PTDSS1: variants seen among roughly 807,000 people sequenced by gnomAD.
PTDSS1 encodes the protein phosphatidylserine synthase 1.
A neutral mutation model predicts 70.5 loss-of-function variants in PTDSS1; 45 were observed. The ratio of observed to expected loss-of-function variants is 0.64; its 90% confidence interval spans 0.50 to 0.82. PTDSS1 has a LOEUF of 0.82. Among genes scored for constraint, PTDSS1 ranks in the 40% least tolerant of loss-of-function variants. The pLI, the probability that PTDSS1 is intolerant of heterozygous loss-of-function variation, is 0.00. For synonymous variants in PTDSS1, 188 were observed against 203.8 expected (o/e 0.92, Z 0.66); for missense variants, 417 against 586.1 (o/e 0.71, Z 2.98).
intron 1 of PTDSS1, among the ~76,000 whole-genome samples, chr8:96,269,140 T>C (rs1407371571): frequency 1.3e-5 from 2 of 152,224 alleles, no homozygotes; most frequent in Non-Finnish European, 2.9e-5. Flanking sequence ...TTTGCCTCCC[T>C]AAGCTTGTCT....
chr8:96,266,513 A>C (rs28696368), intron 1 of PTDSS1, among the ~76,000 whole-genome samples: 25,401 of 152,218 alleles, frequency 0.17, 3,804 homozygotes, highest in African/African-American at 0.41. Flanking sequence ...ACTTGCTAGC[A>C]TTCCCTGTTC....
chr8:96,279,613 G>A (rs1810705462), intron 2 of PTDSS1, among the ~76,000 whole-genome samples: 1 of 151,980 alleles, frequency 6.6e-6, no homozygotes, highest in Non-Finnish European at 1.5e-5. Context: ...GAGGTCAGGA[G>A]TTCAAGACCA....
chr8:96,286,303 GT>G (rs1810821708), intron 3 of PTDSS1, among the ~76,000 whole-genome samples: 1 of 152,168 alleles, frequency 6.6e-6, no homozygotes, highest in African/African-American at 2.4e-5. Context: ...ATTGGACAGG[GT>G]TTTGCCTTCT....
chr8:96,262,211 C>G lies in PTDSS1; in HGVS notation c.171C>G (p.Ala57=), dbSNP rs772045211. Residue 57 remains alanine, a synonymous_variant, in exon 1 of 13, where the codon GCC becomes GCG. Coordinates refer to ENST00000517309, the MANE Select transcript of PTDSS1 (RefSeq NM_014754.3). The surrounding 1 kb of genome is among the most constrained non-coding windows in gnomAD (Gnocchi z 4.4). ...SFTIVSLMYF[A]FTRDDSVPED... Reference sequence around the variant, plus strand: ...CCATCGTCAGCCTCATGTACTTCGCCTTTACCAGGTGGGGCGGCCCAGCCG... The same window carrying G: ...CCATCGTCAGCCTCATGTACTTCGCGTTTACCAGGTGGGGCGGCCCAGCCG... 2.8e-5 allele frequency: 42 copies of G among 1,514,146 alleles called. No homozygotes were observed. The highest frequency in any genetic ancestry group is 3.7e-5 in the Non-Finnish European group (41 of 1,116,628). The allele number at this position is 1,514,146 out of a possible 1,614,324, so 93.8% of individuals were successfully genotyped here.
At chr8:96,316,709 A>C (rs1811294083) in intron 9 of PTDSS1, among the ~76,000 whole-genome samples, 1 of 151,998 alleles carries the variant, frequency 6.6e-6, no homozygotes, top group African/African-American at 2.4e-5. Flanking sequence ...CATTAAGCAA[A>C]CTGGCCAGGC....
intron 9 of PTDSS1, among the ~76,000 whole-genome samples, chr8:96,309,984 G>A (rs926237133): frequency 8.6e-5 from 13 of 151,934 alleles, no homozygotes; most frequent in African/African-American, 2.9e-4. Context: ...TCAACATGGC[G>A]AAACCCTGTC....
rs1392687493 is a variant in PTDSS1 at position 96,304,238 on chromosome 8, T to C, written c.894+57T>C. The C allele has an allele frequency of 1.5e-5, 23 of 1,533,036 alleles. No homozygotes were observed. In the African/African-American group the frequency reaches 2.8e-4, roughly 19 times the overall value. 95.0% of individuals were successfully genotyped at this position (1,533,036 alleles called of 1,614,324 possible). A position where few individuals can be genotyped will look rare whatever the true frequency, so the allele number is the denominator to read the frequency against. ...AAAACAAAAACTAAAATAAAAACTT[T>C]TTAGGAATTTAGAGTTAACATTAGT... On this transcript the variant is annotated intron_variant, in intron 7 of 12. Coordinates refer to ENST00000517309, the MANE Select transcript of PTDSS1 (RefSeq NM_014754.3).
intron 4 of PTDSS1, among the ~76,000 whole-genome samples, chr8:96,287,831 C>T (rs1810845882): frequency 6.6e-6 from 1 of 152,200 alleles, no homozygotes; most frequent in Non-Finnish European, 1.5e-5. Flanking sequence ...GAAAAACCAA[C>T]TATTTTTCTC....
intron 1 of PTDSS1, among the ~76,000 whole-genome samples, chr8:96,271,379 T>C (rs1420417860): frequency 6.6e-6 from 1 of 152,236 alleles, no homozygotes; most frequent in Admixed American, 6.5e-5. Flanking sequence ...AAAAGCTTCC[T>C]TGTTTTTTTA....
intron 9 of PTDSS1, among the ~76,000 whole-genome samples, chr8:96,313,477 C>T (rs1811241090): frequency 6.6e-6 from 1 of 152,214 alleles, no homozygotes. Context: ...CCCCATTCCA[C>T]CCTGATTAGA....
chr8:96,301,473 A>C (rs187178910), intron 6 of PTDSS1, among the ~76,000 whole-genome samples: 1 of 152,060 alleles, frequency 6.6e-6, no homozygotes, highest in East Asian at 1.9e-4. Context: ...TTGTTTAGGT[A>C]AATATTAACC....
chr8:96,302,724 G>A (rs1811067781), intron 6 of PTDSS1, among the ~76,000 whole-genome samples: 1 of 152,106 alleles, frequency 6.6e-6, no homozygotes, highest in Non-Finnish European at 1.5e-5. Context: ...TGGGACTGCA[G>A]GCACCCGCCA....
chr8:96,293,777 T>A (rs1810939043), intron 4 of PTDSS1, among the ~76,000 whole-genome samples: 1 of 152,206 alleles, frequency 6.6e-6, no homozygotes. Context: ...TAAAAACAGA[T>A]CTTACCCCTT....
chr8:96,333,190 C>T (rs1281206687), intron 12 of PTDSS1, among the ~76,000 whole-genome samples: 1 of 152,198 alleles, frequency 6.6e-6, no homozygotes, highest in East Asian at 1.9e-4. Context: ...TGACCATGTC[C>T]ATCATACACA....
chr8:96,308,834 A>G (rs1379636069), intron 8 of PTDSS1, among the ~76,000 whole-genome samples: 2 of 152,100 alleles, frequency 1.3e-5, no homozygotes, highest in Non-Finnish European at 1.5e-5. Flanking sequence ...GGCTTGCATT[A>G]TATTTCTACC....
chr8:96,290,982 G>A (rs529961235), intron 4 of PTDSS1, among the ~76,000 whole-genome samples: 4 of 149,916 alleles, frequency 2.7e-5, no homozygotes, highest in East Asian at 3.9e-4. Flanking sequence ...CTGAAATCCC[G>A]TTAGAGGCAG....
At chr8:96,299,110 T>C (rs1811016127) in intron 5 of PTDSS1, among the ~76,000 whole-genome samples, 1 of 152,030 alleles carries the variant, frequency 6.6e-6, no homozygotes, top group Non-Finnish European at 1.5e-5. Context: ...TCCTTTTCTC[T>C]CACCACCTTG....
At chr8:96,308,826 C>T (rs1811164364) in intron 8 of PTDSS1, among the ~76,000 whole-genome samples, 1 of 152,060 alleles carries the variant, frequency 6.6e-6, no homozygotes, top group Admixed American at 6.5e-5. Context: ...GCATTTATGG[C>T]TTGCATTATA....
At chr8:96,312,878 C>A (rs988292980) in intron 9 of PTDSS1, among the ~76,000 whole-genome samples, 2 of 152,176 alleles carry the variant, frequency 1.3e-5, no homozygotes, top group African/African-American at 4.8e-5. Flanking sequence ...GCCATTTTGT[C>A]ATTATTTCCT....
Sources: allele counts gnomAD v4.1 joint callset (sites outside exome capture counted in the v4.1 genomes callset), GRCh38; gene constraint gnomAD v4.1.1; non-coding constraint Gnocchi (gnomAD v3.1); transcripts MANE v1.5; gene names NCBI Gene and HGNC (gene_info 2026-07-23, HGNC 2026-07-21).